DLGAP1: variants seen among roughly 807,000 people sequenced by gnomAD.
DLGAP1 encodes the protein DLG associated protein 1.
A neutral mutation model predicts 90.8 loss-of-function variants in DLGAP1; 11 were observed. The observed-to-expected ratio is 0.12, with a 90% confidence interval of 0.08 to 0.20. The LOEUF is 0.20. Among genes scored for constraint, DLGAP1 ranks in the 10% least tolerant of loss-of-function variants. DLGAP1 has a pLI of 1.00. For missense variants in DLGAP1, 1,050 were observed against 1,333.8 expected (o/e 0.79, Z 3.31); for synonymous variants, 558 against 540.7 (o/e 1.03, Z -0.44).
chr18:4,245,294 A>T (rs914657259), intron 1 of DLGAP1, among the ~76,000 whole-genome samples: 1 of 152,204 alleles, frequency 6.6e-6, no homozygotes, highest in Admixed American at 6.5e-5. Flanking sequence ...TTTTGTGCAC[A>T]ACTTTTCTTT....
intron 3 of DLGAP1, among the ~76,000 whole-genome samples, chr18:3,898,388 C>A (rs1473761201): frequency 6.6e-6 from 1 of 152,118 alleles, no homozygotes; most frequent in Non-Finnish European, 1.5e-5. Context: ...ATCACAGCAG[C>A]CCTATGAAGC....
At chr18:3,646,652 C>T (rs758454357) in intron 7 of DLGAP1, among the ~76,000 whole-genome samples, 29 of 151,832 alleles carry the variant, frequency 1.9e-4, no homozygotes, top group Non-Finnish European at 2.4e-4. Context: ...CAGCCGGGCA[C>T]GGTGGCTCAT....
intron 3 of DLGAP1, among the ~76,000 whole-genome samples, chr18:3,960,752 G>A (rs1220812474): frequency 6.6e-6 from 1 of 152,180 alleles, no homozygotes; most frequent in African/African-American, 2.4e-5. Context: ...TCAGTCCTCG[G>A]CGCCTCTAGC....
chr18:4,318,831 A>T (rs1306137240), intron 1 of DLGAP1, among the ~76,000 whole-genome samples: 1 of 152,202 alleles, frequency 6.6e-6, no homozygotes, highest in East Asian at 1.9e-4. Context: ...TATCAAAAAC[A>T]TTTTACAGGG....
intron 1 of DLGAP1, among the ~76,000 whole-genome samples, chr18:4,174,221 A>G (rs1437504072): frequency 6.6e-6 from 1 of 152,226 alleles, no homozygotes; most frequent in Non-Finnish European, 1.5e-5. Flanking sequence ...CAGAGGCCCA[A>G]GAAGGAGCTT....
chr18:4,242,790 G>A (rs2145139138), intron 1 of DLGAP1, among the ~76,000 whole-genome samples: 1 of 151,996 alleles, frequency 6.6e-6, no homozygotes, highest in South Asian at 2.1e-4. Context: ...ACACATAAAG[G>A]TGAGATCATG....
intron 2 of DLGAP1, among the ~76,000 whole-genome samples, chr18:4,068,916 A>G (rs1023044921): frequency 1.3e-5 from 2 of 152,100 alleles, no homozygotes; most frequent in Non-Finnish European, 2.9e-5. Flanking sequence ...TTATTAGTAG[A>G]GCTTAATGTG....
At chr18:3,530,433 GA>G (rs1202161773) in intron 10 of DLGAP1, among the ~76,000 whole-genome samples, 1 of 151,890 alleles carries the variant, frequency 6.6e-6, no homozygotes, top group African/African-American at 2.4e-5. Flanking sequence ...CCAAAGAAAG[GA>G]GGGAAGAAAA....
chr18:3,740,911 A>G (rs1174453616), intron 6 of DLGAP1, among the ~76,000 whole-genome samples: 1 of 132,008 alleles, frequency 7.6e-6, no homozygotes, highest in Non-Finnish European at 1.6e-5. Context: ...CCCATTACCA[A>G]CACCACCACC....
chr18:3,966,314 T>C (rs1021976801), intron 3 of DLGAP1, among the ~76,000 whole-genome samples: 1 of 152,100 alleles, frequency 6.6e-6, no homozygotes, highest in Non-Finnish European at 1.5e-5. Flanking sequence ...GTGCTCTATT[T>C]GCCTTAAGAA....
chr18:3,742,645 C>T (rs769607208), intron 5 of DLGAP1, 133 bp from the exon 6 acceptor site: 120 of 1,022,694 alleles, frequency 1.2e-4, no homozygotes, highest in Middle Eastern at 2.2e-4. Flanking sequence ...TCTGTGATTA[C>T]TAAACTCCCC....
chr18:3,545,296 G>C (rs1599153352), intron 9 of DLGAP1, among the ~76,000 whole-genome samples: 2 of 151,438 alleles, frequency 1.3e-5, no homozygotes, highest in Non-Finnish European at 2.9e-5. Context: ...AAAAAAAAAA[G>C]AAATGGAATC....
At chr18:3,641,805 T>C (rs1320497981) in intron 7 of DLGAP1, among the ~76,000 whole-genome samples, 1 of 152,190 alleles carries the variant, frequency 6.6e-6, no homozygotes, top group Non-Finnish European at 1.5e-5. Flanking sequence ...CTATAGATGC[T>C]GGGCCTAGGC....
chr18:4,437,807 T>A (rs574828390), intron 1 of DLGAP1, among the ~76,000 whole-genome samples: 3 of 140 alleles, frequency 0.021, no homozygotes, highest in Non-Finnish European at 0.12. Context: ...CTTAATACAG[T>A]TGGAGGGTTA....
chr18:4,134,377 T>C (rs1412193143), intron 2 of DLGAP1, among the ~76,000 whole-genome samples: 2 of 152,162 alleles, frequency 1.3e-5, no homozygotes, highest in Non-Finnish European at 2.9e-5. Context: ...TAAGATTCTA[T>C]TGGACTTTAG....
chr18:3,580,778 G>T, intron 8 of DLGAP1: 2 of 1,609,076 alleles, frequency 1.2e-6, no homozygotes, highest in African/African-American at 1.3e-5. Flanking sequence ...TTTGCAGTGT[G>T]CATGGTCAGG....
intron 1 of DLGAP1, among the ~76,000 whole-genome samples, chr18:4,216,301 C>T (rs556946674): frequency 1.3e-5 from 2 of 148,296 alleles, no homozygotes; most frequent in Non-Finnish European, 3.0e-5. Flanking sequence ...ACCCCCCCCC[C>T]ACCAGGTCCC....
intron 7 of DLGAP1, among the ~76,000 whole-genome samples, chr18:3,721,127 C>G (rs1354511094): frequency 1.3e-5 from 2 of 152,002 alleles, no homozygotes; most frequent in East Asian, 1.9e-4. Flanking sequence ...ATTGAGAGAG[C>G]CTGTTTTTCT....
intron 4 of DLGAP1, among the ~76,000 whole-genome samples, chr18:3,867,076 A>T (rs1351746089): frequency 6.6e-6 from 1 of 151,458 alleles, no homozygotes; most frequent in Non-Finnish European, 1.5e-5. Flanking sequence ...CTGGTCTTGA[A>T]CTCCTGACCT....
Sources: gnomAD v4.1 joint callset for allele counts (sites outside exome capture counted in the v4.1 genomes callset) on GRCh38, gnomAD v4.1.1 for gene constraint, MANE v1.5 for transcripts, NCBI Gene and HGNC (gene_info 2026-07-23, HGNC 2026-07-21) for gene names.